The following SLIT2 variants were observed in gnomAD, a reference collection of about 807,000 sequenced individuals.
The protein encoded by SLIT2 is slit homolog 2 protein.
A neutral mutation model predicts 185.7 loss-of-function variants in SLIT2; 41 were observed. The ratio of observed to expected loss-of-function variants is 0.22; its 90% CI spans 0.17 to 0.29. The LOEUF is 0.29. Ranked by LOEUF, SLIT2 falls within the 10% of genes least tolerant of loss-of-function variation. The pLI is 1.00. For synonymous variants in SLIT2, 693 were observed against 680.2 expected (o/e 1.02, Z -0.29); for missense variants, 1,571 against 1,909.0 (o/e 0.82, Z 3.30).
At position 20,571,154 on chromosome 4, in the gene SLIT2, A is replaced by G. The variant is rs373818275; in HGVS notation, c.3088+2150A>G. The stretch of plus-strand genomic sequence containing the variant: ...ATTTTTTAGCCAAAATGTGACATCT[A>G]TAAAAGCTGTCATCTGGGAACTTGC... On this transcript the variant is annotated intron_variant, in intron 29 of 36. Coordinates refer to ENST00000504154, the MANE Select transcript of SLIT2 (RefSeq NM_004787.4). Among the ~76,000 whole-genome samples, 11 of 152,150 alleles carry G rather than the reference A, an allele frequency of 7.2e-5. No homozygotes were observed. In the East Asian group the frequency reaches 9.7e-4, roughly 13 times the overall value.
In SLIT2 at chr4:20,539,654, T is replaced by C. The variant is rs184120530; in HGVS notation, c.1976+70T>C. ...TATATTTGTTAATGTATTTAATATATTATTAAGCATTTCATTAAAATGTGA... is the reference window on the plus strand; with the variant it reads ...TATATTTGTTAATGTATTTAATATACTATTAAGCATTTCATTAAAATGTGA... On this transcript the variant is annotated intron_variant, in intron 19 of 36. Transcript: ENST00000504154. 3.7e-5 allele frequency: 36 copies of C among 969,466 alleles called. No individual in the cohort carries two copies. In the Admixed American group the frequency reaches 1.1e-3, roughly 30 times the overall value. The allele number at this position is 969,466 out of a possible 1,614,324, so 60.1% of individuals were successfully genotyped here.
intron 20 of SLIT2, among the ~76,000 whole-genome samples, chr4:20,541,861 G>A (rs1454870443): frequency 7.3e-6 from 1 of 136,072 alleles, no homozygotes; most frequent in Non-Finnish European, 1.7e-5. Context: ...CTTGTGGTTG[G>A]TCTTACTTAT....
At chr4:20,475,887 C>T (rs1008500809) in intron 5 of SLIT2, among the ~76,000 whole-genome samples, 5 of 152,062 alleles carry the variant, frequency 3.3e-5, no homozygotes, top group Non-Finnish European at 5.9e-5. Context: ...TAACTTTATA[C>T]CATAGGCTAC....
chr4:20,460,901 T>C (rs1191796077), intron 4 of SLIT2, among the ~76,000 whole-genome samples: 1 of 152,200 alleles, frequency 6.6e-6, no homozygotes, highest in African/African-American at 2.4e-5. Context: ...AACAAGGGAC[T>C]CCCCAATAAT....
chr4:20,592,246 T>G (rs1325308577), intron 30 of SLIT2, among the ~76,000 whole-genome samples: 1 of 152,218 alleles, frequency 6.6e-6, no homozygotes. Flanking sequence ...ATTGCTTTAT[T>G]ATATACCTCA....
At chr4:20,306,086 G>A (rs1717521229) in intron 4 of SLIT2, among the ~76,000 whole-genome samples, 1 of 151,814 alleles carries the variant, frequency 6.6e-6, no homozygotes, top group South Asian at 2.1e-4. Context: ...GGAAGAAAAG[G>A]GAGAAAACAG....
chr4:20,324,293 T>TGAGGTGCTGATGTTGTATTGGG (rs1216866520), intron 4 of SLIT2, among the ~76,000 whole-genome samples: 1 of 151,964 alleles, frequency 6.6e-6, no homozygotes, highest in Non-Finnish European at 1.5e-5. Context: ...GTTGTATTGG[T>TGAGGTGCTGATGTTGTATTGGG]GAGGTGCTGA....
intron 4 of SLIT2, among the ~76,000 whole-genome samples, chr4:20,378,823 T>C (rs1218334260): frequency 1.3e-5 from 2 of 152,154 alleles, no homozygotes; most frequent in Non-Finnish European, 2.9e-5. Context: ...TTGCCAAATC[T>C]TGGAAGCAAC....
At chr4:20,263,717 C>T (rs1349883459) in intron 3 of SLIT2, among the ~76,000 whole-genome samples, 1 of 151,816 alleles carries the variant, frequency 6.6e-6, no homozygotes, top group Non-Finnish European at 1.5e-5. Flanking sequence ...ATTTCCTCAT[C>T]TTTAAAACAG....
chr4:20,343,986 G>A (rs1446764353), intron 4 of SLIT2, among the ~76,000 whole-genome samples: 2 of 151,966 alleles, frequency 1.3e-5, no homozygotes, highest in Non-Finnish European at 2.9e-5. Flanking sequence ...CAGTAACTGG[G>A]ACTACAGATG....
At chr4:20,280,210 G>A (rs1202396672) in intron 4 of SLIT2, among the ~76,000 whole-genome samples, 2 of 151,818 alleles carry the variant, frequency 1.3e-5, no homozygotes, top group Non-Finnish European at 2.9e-5. Flanking sequence ...GCGGGCGCCT[G>A]TAGTCCCAGC....
At chr4:20,596,074 G>T (rs190992387) in intron 31 of SLIT2, among the ~76,000 whole-genome samples, 162 of 151,964 alleles carry the variant, frequency 1.1e-3, no homozygotes, top group African/African-American at 3.7e-3. Flanking sequence ...ACACTTACTA[G>T]GTACCCACAA....
At chr4:20,352,314 AAC>A (rs1721951843) in intron 4 of SLIT2, among the ~76,000 whole-genome samples, 1 of 151,796 alleles carries the variant, frequency 6.6e-6, no homozygotes. Context: ...TTTTTATTAT[AAC>A]AGATATAGTT....
intron 8 of SLIT2, among the ~76,000 whole-genome samples, chr4:20,490,209 T>A (rs1717656782): frequency 6.6e-6 from 1 of 152,194 alleles, no homozygotes; most frequent in African/African-American, 2.4e-5. Context: ...ACCTAAGTAT[T>A]TCACATATAT....
intron 4 of SLIT2, among the ~76,000 whole-genome samples, chr4:20,274,609 G>T (rs961742587): frequency 3.3e-5 from 5 of 152,120 alleles, no homozygotes; most frequent in African/African-American, 1.2e-4. Context: ...TAATAGACTT[G>T]TTGCTAAAGA....
At chr4:20,333,975 G>T (rs1720280449) in intron 4 of SLIT2, among the ~76,000 whole-genome samples, 1 of 152,198 alleles carries the variant, frequency 6.6e-6, no homozygotes, top group Non-Finnish European at 1.5e-5. Flanking sequence ...GATGCAATTA[G>T]TTATAGCTTT....
At chr4:20,481,012 G>A (rs1014559454) in intron 6 of SLIT2, among the ~76,000 whole-genome samples, 1 of 151,810 alleles carries the variant, frequency 6.6e-6, no homozygotes, top group Non-Finnish European at 1.5e-5. Flanking sequence ...TCACTCAAAT[G>A]TTCTCCTTAT....
At chr4:20,365,537 A>C (rs1577508157) in intron 4 of SLIT2, among the ~76,000 whole-genome samples, 1 of 150,752 alleles carries the variant, frequency 6.6e-6, no homozygotes, top group African/African-American at 2.4e-5. Flanking sequence ...CCTTCCCCCC[A>C]CCCTCCCGTC....
In SLIT2 at chr4:20,368,471, T is replaced by C. The variant is rs1388803010; in HGVS notation, c.396-99281T>C. The stretch of plus-strand genomic sequence containing the variant: ...AGATAATTGAAAATAATTATATGTG[T>C]GTTTGGTAAACCACAACGATCTTTC... On this transcript the variant is annotated intron_variant, in intron 4 of 36. Transcript: ENST00000504154. Among the ~76,000 whole-genome samples the C allele has an allele frequency of 3.9e-5, 6 of 152,220 alleles. No homozygotes were observed. The East Asian group carries it at 1.2e-3, about 29-fold the overall frequency.
Sources: allele counts gnomAD v4.1 joint callset (sites outside exome capture counted in the v4.1 genomes callset), GRCh38; gene constraint gnomAD v4.1.1; transcripts MANE v1.5; gene names NCBI Gene and HGNC (gene_info 2026-07-23, HGNC 2026-07-21).